Variants in TNXB observed in about 807,000 individuals in gnomAD.
TNXB encodes tenascin-X.
In TNXB, 183 loss-of-function variants were observed where a neutral mutation model predicts 340.5. That is an observed-to-expected ratio of 0.54 (90% CI 0.48 to 0.61). The LOEUF (loss-of-function observed/expected upper bound fraction) is 0.61, where lower values mean the gene tolerates loss of function less well. Among genes scored for constraint, TNXB ranks in the 20% least tolerant of loss-of-function variants. TNXB has a pLI of 0.00. For missense variants in TNXB, 4,613 were observed against 5,446.4 expected (o/e 0.85, Z 4.82); for synonymous variants, 2,121 against 2,314.5 (o/e 0.92, Z 2.40).
chr6:32,055,241 C>A (rs1224250466), intron 24 of TNXB, among the ~76,000 whole-genome samples: 1 of 152,186 alleles, frequency 6.6e-6, no homozygotes, highest in Non-Finnish European at 1.5e-5. Flanking sequence ...CTTTCTAAAG[C>A]CTCTTCCTAA....
Position 32,081,939 on chromosome 6 carries a change from C to T in TNXB, c.3736+97G>A. ...AGTGGGGCCGGGAAGCTGGAGTCAG[C>T]TGTCTTGCTGGGGGACCCCAGCTGG... On this transcript the variant is annotated intron_variant, in intron 9 of 43. Transcript: ENST00000644971. This position sits in a 1 kb window ranked among gnomAD's most constrained non-coding sequence, Gnocchi z 5.1. The T allele has an allele frequency of 8.0e-7, 1 of 1,256,732 alleles. No homozygotes were observed. Among genetic ancestry groups the T allele is most frequent in the Non-Finnish European group, 1.1e-6 (1 of 910,386 alleles). The allele number at this position is 1,256,732 out of a possible 1,614,324, so 77.8% of individuals were successfully genotyped here. A position where few individuals can be genotyped will look rare whatever the true frequency, so the allele number is the denominator to read the frequency against.
In TNXB at chr6:32,074,574, C is replaced by T. The variant is rs947465178; in HGVS notation, c.4376-622G>A. 9.9e-5 allele frequency among the ~76,000 whole-genome samples: 15 copies of T among 152,152 alleles called. No individual in the cohort carries two copies. The highest frequency in any genetic ancestry group is 2.1e-4 in the South Asian group (1 of 4,820). ...GAACCCCAGACTAGTGTTCGTGCAA[C>T]GTCTTCCTTGGAGGCCTACTTGTGT... On this transcript the variant is annotated intron_variant, in intron 11 of 43. Transcript: ENST00000644971. This position sits in a 1 kb window ranked among gnomAD's most constrained non-coding sequence, Gnocchi z 5.5.
At position 32,069,072 on chromosome 6, in the gene TNXB, G is replaced by A. The variant is rs371257003; in HGVS notation, c.5652C>T (p.Leu1884=). The part of the protein sequence containing the change: ...APTPPAPEPH[L]GELTVEEATS... The stretch of plus-strand genomic sequence containing the variant: ...TGGCCTCCTCCACTGTCAACTCCCC[G>A]AGGTGGGGCTCAGGCGCTGGAGGGG... The change falls in exon 16 of 44, where the codon CTC becomes CTT. Residue 1884 remains leucine, a synonymous_variant. Transcript: ENST00000644971. The surrounding 1 kb of genome is among the most constrained non-coding windows in gnomAD (Gnocchi z 6.2). The A allele has an allele frequency of 7.2e-5, 116 of 1,612,748 alleles. No individual in the cohort carries two copies. The highest frequency in any genetic ancestry group is 2.7e-4 in the Admixed American group (16 of 60,022).
rs1777844949 is a variant in TNXB, at chr6:32,058,880, G to A, written c.7493-490C>T. ...GATGATGAATGCTGGTTGTGTAGCC[G>A]TGAGGTGAATGATTACAATGTACTT... On this transcript the variant is annotated intron_variant, in intron 21 of 43. Transcript: ENST00000644971. The surrounding 1 kb of genome is among the most constrained non-coding windows in gnomAD (Gnocchi z 5.1). 6.6e-6 allele frequency among the ~76,000 whole-genome samples: 1 copy of A among 151,866 alleles called. No homozygotes were observed. Among genetic ancestry groups the A allele is most frequent in the Admixed American group, 6.5e-5 (1 of 15,278 alleles).
chr6:32,063,775 C>G (rs1582392432), intron 19 of TNXB, among the ~76,000 whole-genome samples: 1 of 152,056 alleles, frequency 6.6e-6, no homozygotes, highest in East Asian at 1.9e-4. Flanking sequence ...TTTGTCTGTT[C>G]TTTTTGAGAA....
At position 32,088,908 on chromosome 6, in the gene TNXB, C is replaced by T. The variant is rs766746150; in HGVS notation, c.2656G>A (p.Val886Met). 11 of 1,597,364 alleles carry T rather than the reference C, an allele frequency of 6.9e-6. No individual in the cohort carries two copies. The highest frequency in any genetic ancestry group is 8.5e-6 in the Non-Finnish European group (10 of 1,172,302). Residue 886 changes from valine to methionine, a missense_variant, in exon 6 of 44, where the codon GTG (valine) becomes ATG (methionine). By Grantham distance (21) the Val-to-Met change is conservative. Transcript: ENST00000644971. ...SAGNQRVRLEVPPEADGTLLT... is the reference protein window; with the variant it reads ...SAGNQRVRLEMPPEADGTLLT... ...AGCGTCCCGTCTGCTTCAGGGGGCACTTCCAGCCTCACCCTCTGGTTGCCG... is the reference window on the plus strand; with the variant it reads ...AGCGTCCCGTCTGCTTCAGGGGGCATTTCCAGCCTCACCCTCTGGTTGCCG...
chr6:32,107,980 G>A (rs1175524837), intron 1 of TNXB, among the ~76,000 whole-genome samples: 1 of 152,156 alleles, frequency 6.6e-6, no homozygotes, highest in Non-Finnish European at 1.5e-5. Context: ...ATTCTGGGGA[G>A]CTAATCGGCC....
chr6:32,065,638 GAC>G (rs1431830730), intron 18 of TNXB, among the ~76,000 whole-genome samples: 2 of 151,766 alleles, frequency 1.3e-5, no homozygotes, highest in African/African-American at 2.4e-5. Context: ...TTTATTTTTT[GAC>G]ACAGAGTCTC....
Position 32,069,528 on chromosome 6 carries a change from G to A in TNXB, c.5587+25C>T. The A allele has an allele frequency of 6.5e-7, 1 of 1,532,812 alleles. No homozygotes were observed. Among genetic ancestry groups the A allele is most frequent in the Non-Finnish European group, 8.8e-7 (1 of 1,137,584 alleles). 95.0% of individuals were successfully genotyped at this position (1,532,812 alleles called of 1,614,324 possible). A position where few individuals can be genotyped will look rare whatever the true frequency, so the allele number is the denominator to read the frequency against. On this transcript the variant is annotated intron_variant, in intron 15 of 43. Transcript: ENST00000644971. This position sits in a 1 kb window ranked among gnomAD's most constrained non-coding sequence, Gnocchi z 6.2. ...GAGAGCCAGGCGGGAAGGAGGCACA[G>A]GTGTTCCAGCTGCCGCACACTCACC...
At chr6:32,099,642 G>T (rs1780607686) in intron 1 of TNXB, among the ~76,000 whole-genome samples, 1 of 151,556 alleles carries the variant, frequency 6.6e-6, no homozygotes, top group South Asian at 2.1e-4. Flanking sequence ...GGGATTAAAA[G>T]CATGAGCCAC....
chr6:32,087,768 C>T lies in TNXB; in HGVS notation c.2779+1017G>A, dbSNP rs748840795. 1 of 510,072 alleles carries T rather than the reference C, an allele frequency of 2.0e-6. No individual in the cohort carries two copies. Among genetic ancestry groups the T allele is most frequent in the African/African-American group, 2.0e-5 (1 of 51,140 alleles). The allele number at this position is 510,072 out of a possible 1,614,324, so 31.6% of individuals were successfully genotyped here. ...GAGCCCGCAGGTGGCGCTCCAGGTC[C>T]TGCACCGTGCCGCGGAAACGGCTCA... On this transcript the variant is annotated intron_variant, in intron 6 of 43. Coordinates refer to ENST00000644971, the MANE Select transcript of TNXB (RefSeq NM_001365276.2). The surrounding 1 kb of genome is among the most constrained non-coding windows in gnomAD (Gnocchi z 9.0).
intron 21 of TNXB, among the ~76,000 whole-genome samples, chr6:32,060,087 CA>C (rs1777917101): frequency 6.6e-6 from 1 of 152,026 alleles, no homozygotes; most frequent in East Asian, 1.9e-4. Flanking sequence ...GTAATCCCAG[CA>C]CTTTGGGAGG....
Position 32,081,913 on chromosome 6 carries a change from G to T in TNXB, c.3736+123C>A. On this transcript the variant is annotated intron_variant, in intron 9 of 43. Coordinates refer to ENST00000644971, the MANE Select transcript of TNXB (RefSeq NM_001365276.2). This position sits in a 1 kb window ranked among gnomAD's most constrained non-coding sequence, Gnocchi z 5.1. ...GGAGTCTGGCTGCCCCTCAGCCCTG[G>T]AGTGGGGCCGGGAAGCTGGAGTCAG... 1 of 998,360 alleles carries T rather than the reference G, an allele frequency of 1.0e-6. No individual in the cohort carries two copies. The highest frequency in any genetic ancestry group is 2.6e-5 in the East Asian group (1 of 38,212). The allele number at this position is 998,360 out of a possible 1,614,324, so 61.8% of individuals were successfully genotyped here.
chr6:32,046,367 C>T lies in TNXB; in HGVS notation c.10414G>A (p.Ala3472Thr). Reference sequence around the variant, plus strand: ...ACGAAGGAGTCAAAGGGGCCCTGGGCTACCGTCCAGGACAGGCGCAGAGAG... The same window carrying T: ...ACGAAGGAGTCAAAGGGGCCCTGGGTTACCGTCCAGGACAGGCGCAGAGAG... ...SSSLRLSWTV[A>T]QGPFDSFVVQ... The change falls in exon 31 of 44, where the codon GCC becomes ACC. Residue 3472 changes from alanine to threonine, a missense_variant. Ala to Thr is a moderately conservative substitution (Grantham distance 58). Coordinates refer to ENST00000644971, the MANE Select transcript of TNXB (RefSeq NM_001365276.2). The surrounding 1 kb of genome is among the most constrained non-coding windows in gnomAD (Gnocchi z 6.9). 6.2e-7 allele frequency: 1 copy of T among 1,604,338 alleles called. No homozygotes were observed. Among genetic ancestry groups the T allele is most frequent in the Non-Finnish European group, 8.5e-7 (1 of 1,176,620 alleles).
chr6:32,089,247 G>A lies in TNXB; in HGVS notation c.2491C>T (p.Pro831Ser). The change falls in exon 5 of 44, where the codon CCT (proline) becomes TCT (serine). Residue 831 changes from proline to serine, a missense_variant. Coordinates refer to ENST00000644971, the MANE Select transcript of TNXB (RefSeq NM_001365276.2). This position sits in a 1 kb window ranked among gnomAD's most constrained non-coding sequence, Gnocchi z 6.2. ...CTGGTGGTGATGGTCTTGGAGGCAG[G>A]AAGGCCCCAGCTGGTCCCTCGAAGG... ...RALRGTSWGL[P>S]ASKTITTMID... 6.2e-7 allele frequency: 1 copy of A among 1,604,798 alleles called. No homozygotes were observed. Among genetic ancestry groups the A allele is most frequent in the Non-Finnish European group, 8.5e-7 (1 of 1,176,248 alleles).
Position 32,049,975 on chromosome 6 carries a change from T to G in TNXB, c.9439+23A>C. 2 of 1,612,292 alleles carry G rather than the reference T, an allele frequency of 1.2e-6. No individual in the cohort carries two copies. Among genetic ancestry groups the G allele is most frequent in the Non-Finnish European group, 1.7e-6 (2 of 1,178,614 alleles). ...GGTGGCCCTCCCACAGCTCCCACCC[T>G]GGGGCTCCCATCATTCACTCACCCG... is the stretch of plus-strand genomic sequence containing the variant. On this transcript the variant is annotated intron_variant, in intron 27 of 43. Transcript: ENST00000644971. This position sits in a 1 kb window ranked among gnomAD's most constrained non-coding sequence, Gnocchi z 4.5.
At chr6:32,076,172 T>C (rs573767885) in intron 11 of TNXB, among the ~76,000 whole-genome samples, 2 of 152,322 alleles carry the variant, frequency 1.3e-5, no homozygotes, top group South Asian at 4.1e-4. Flanking sequence ...CTTCTTTCCA[T>C]GAGGGAATGA....
rs1453472861 is a variant in TNXB at position 32,052,766 on chromosome 6, C to G, written c.9019G>C (p.Val3007Leu). The G allele has an allele frequency of 6.2e-7, 1 of 1,613,602 alleles. No homozygotes were observed. The highest frequency in any genetic ancestry group is 8.5e-7 in the Non-Finnish European group (1 of 1,179,864). Residue 3007 changes from valine (V) to leucine (L), a missense_variant, in exon 26 of 44, where the codon GTG (valine) becomes CTG (leucine). Val to Leu is a conservative substitution (Grantham distance 32, BLOSUM62 1). Coordinates refer to ENST00000644971, the MANE Select transcript of TNXB (RefSeq NM_001365276.2). The surrounding 1 kb of genome is among the most constrained non-coding windows in gnomAD (Gnocchi z 4.7). ...RVRGEESEVT[V>L]GGLEPGCKYK... is the part of the protein sequence containing the mutation. ...TTGCACCCGGGCTCCAGGCCCCCCA[C>G]GGTGACCTCGCTCTCCTCGCCCCTG...
In TNXB at chr6:32,042,618, G is replaced by A; in HGVS notation, c.12059-12C>T. On this transcript the variant is annotated splice_polypyrimidine_tract_variant and intron_variant, in intron 39 of 43. Coordinates refer to ENST00000644971, the MANE Select transcript of TNXB (RefSeq NM_001365276.2). ...GATCCGCAGCCCACCTGGGAGAGGA[G>A]AGCAGGGGCCAGTCCTTTTCCAAGC... 1 of 1,538,948 alleles carries A rather than the reference G, an allele frequency of 6.5e-7. No homozygotes were observed. Among genetic ancestry groups the A allele is most frequent in the Non-Finnish European group, 8.8e-7 (1 of 1,136,420 alleles).
Sources: allele counts gnomAD v4.1 joint callset (sites outside exome capture counted in the v4.1 genomes callset), GRCh38; gene constraint gnomAD v4.1.1; non-coding constraint Gnocchi (gnomAD v3.1); transcripts MANE v1.5; gene names NCBI Gene and HGNC (gene_info 2026-07-23, HGNC 2026-07-21).